Variants in CCDC33 observed in about 807,000 individuals in gnomAD.
The protein encoded by CCDC33 is coiled-coil domain-containing protein 33.
CCDC33 carries 94 observed loss-of-function variants against 91.9 expected under a neutral mutation model. The ratio of observed to expected loss-of-function variants is 1.02; its 90% CI spans 0.87 to 1.21. CCDC33 has a LOEUF of 1.21. CCDC33 is among the 50% of genes most tolerant of loss of function. The pLI is 0.00. For missense variants in CCDC33, 940 were observed against 935.5 expected (o/e 1.00, Z -0.06); for synonymous variants, 396 against 374.5 (o/e 1.06, Z -0.66).
Position 74,268,966 on chromosome 15 carries a change from G to A in CCDC33, c.546+508G>A, listed in dbSNP as rs565019558. 3.9e-5 allele frequency among the ~76,000 whole-genome samples: 6 copies of A among 152,332 alleles called. No homozygotes were observed. In the South Asian group the frequency reaches 1.0e-3, roughly 26 times the overall value. On this transcript the variant is annotated intron_variant, in intron 5 of 18. Coordinates refer to ENST00000398814, the MANE Select transcript of CCDC33 (RefSeq NM_025055.5). ...GAGGTTTGACTGGTCTGGCGATTAG[G>A]TATTTAGTTTATTCATTCATTTATT...
intron 11 of CCDC33, among the ~76,000 whole-genome samples, chr15:74,310,645 A>G (rs936728): frequency 0.97 from 147,002 of 152,264 alleles, 71,171 homozygotes; most frequent in East Asian, 1. Context: ...GCCAGCAGCG[A>G]GAGTGCTGCC....
At position 74,218,859 on chromosome 15, in the gene CCDC33, C is replaced by T. The variant is rs778597166; in HGVS notation, c.673C>T (p.Gln225Ter). The stretch of plus-strand genomic sequence containing the variant: ...CCCAGAGCCCCAGCTCCCCATACTG[C>T]AGGTGGGTGCTTCCCTGGTCCCAGT... Residue 225 changes from glutamine to a stop codon, truncating the protein, a stop_gained and splice_region_variant, in exon 2 of 3, where the codon CAG becomes TAG. Coordinates refer to the CCDC33 transcript ENST00000635913. LOFTEE classifies it low-confidence loss of function (END_TRUNC). This position sits in a 1 kb window ranked among gnomAD's most constrained non-coding sequence, Gnocchi z 4.8. 1 of 1,226,650 alleles carries T rather than the reference C, an allele frequency of 8.2e-7. No homozygotes were observed. The highest frequency in any genetic ancestry group is 1.0e-6 in the Non-Finnish European group (1 of 958,548). The allele number at this position is 1,226,650 out of a possible 1,614,324, so 76.0% of individuals were successfully genotyped here.
At chr15:74,279,244 C>T (rs886648161) in intron 7 of CCDC33, among the ~76,000 whole-genome samples, 1 of 152,162 alleles carries the variant, frequency 6.6e-6, no homozygotes, top group African/African-American at 2.4e-5. Flanking sequence ...AGGAAGAAAT[C>T]AGGGCACTTG....
At chr15:74,311,274 C>T (rs1431847158) in intron 11 of CCDC33, among the ~76,000 whole-genome samples, 1 of 152,122 alleles carries the variant, frequency 6.6e-6, no homozygotes, top group African/African-American at 2.4e-5. Flanking sequence ...CAGGTGCCCC[C>T]AGCATCTCTC....
At chr15:74,334,820 C>T (rs2060528692) in intron 17 of CCDC33, among the ~76,000 whole-genome samples, 155 bp from the exon 18 acceptor site, 1 of 152,100 alleles carries the variant, frequency 6.6e-6, no homozygotes, top group Non-Finnish European at 1.5e-5. Context: ...TCACCCTCAC[C>T]CCGCCACCCC....
chr15:74,285,128 G>C (rs551238675), intron 10 of CCDC33, among the ~76,000 whole-genome samples: 2 of 152,360 alleles, frequency 1.3e-5, no homozygotes, highest in East Asian at 3.9e-4. Context: ...GTCACAGAGC[G>C]GAAATGCTTC....
At chr15:74,302,600 G>A (rs1370246530) in intron 11 of CCDC33, 2 of 152,306 alleles carry the variant, frequency 1.3e-5, no homozygotes, top group Non-Finnish European at 2.9e-5. Context: ...GGCTGGCATG[G>A]CCCTGGGGTG....
At chr15:74,207,945 T>C (rs2074299596) in intron 1 of CCDC33, 2 of 1,453,676 alleles carry the variant, frequency 1.4e-6, no homozygotes, top group South Asian at 1.4e-5. Context: ...CTCCACCTCC[T>C]GTCTCTCTAC....
upstream of CCDC33, chr15:74,217,190 TGCAGG>T: frequency 1.9e-6 from 2 of 1,074,998 alleles, no homozygotes; most frequent in Non-Finnish European, 2.4e-6. Flanking sequence ...GCACCCAGCC[TGCAGG>T]CTTTCAGACT....
intron 2 of CCDC33, among the ~76,000 whole-genome samples, chr15:74,258,754 A>G (rs912883204): frequency 1.3e-5 from 2 of 152,142 alleles, no homozygotes; most frequent in Non-Finnish European, 2.9e-5. Context: ...ATCAAATCCC[A>G]TGCTTTTCCG....
At chr15:74,206,229 G>C (rs1431011961) in intron 1 of CCDC33, among the ~76,000 whole-genome samples, 1 of 152,224 alleles carries the variant, frequency 6.6e-6, no homozygotes, top group East Asian at 1.9e-4. Context: ...CTGGCCCCCA[G>C]CTGCCCTGCC....
At chr15:74,206,804 T>G (rs559433446) in intron 1 of CCDC33, among the ~76,000 whole-genome samples, 2 of 151,928 alleles carry the variant, frequency 1.3e-5, no homozygotes, top group East Asian at 3.9e-4. Flanking sequence ...AAGGAGAGAG[T>G]AGCATAAGGG....
At chr15:74,275,012 T>C (rs1197352665) in intron 7 of CCDC33, among the ~76,000 whole-genome samples, 1 of 152,232 alleles carries the variant, frequency 6.6e-6, no homozygotes. Flanking sequence ...GAGCCATACC[T>C]GGAGGGGCAC....
upstream of CCDC33, among the ~76,000 whole-genome samples, chr15:74,232,096 T>C (rs2074992295): frequency 6.6e-6 from 1 of 152,166 alleles, no homozygotes; most frequent in African/African-American, 2.4e-5. Flanking sequence ...GGTCAACTCT[T>C]GGCATGAGAC....
At chr15:74,256,054 G>A (rs1163853344) in intron 2 of CCDC33, among the ~76,000 whole-genome samples, 1 of 152,226 alleles carries the variant, frequency 6.6e-6, no homozygotes, top group East Asian at 1.9e-4. Context: ...CTCCAGCAGC[G>A]ACAAGACAGG....
intron 1 of CCDC33, chr15:74,209,273 A>C: frequency 7.9e-7 from 1 of 1,259,628 alleles, no homozygotes; most frequent in Non-Finnish European, 1.1e-6. Context: ...CCTCAGAGTC[A>C]CCTCAGTGGA....
upstream of CCDC33, among the ~76,000 whole-genome samples, chr15:74,231,552 G>A (rs2074971713): frequency 6.6e-6 from 1 of 152,208 alleles, no homozygotes; most frequent in African/African-American, 2.4e-5. Context: ...GAGAGGAAAG[G>A]AGAGCTGCGA....
chr15:74,324,003 G>T (rs1347071621), intron 11 of CCDC33, among the ~76,000 whole-genome samples: 10 of 147,562 alleles, frequency 6.8e-5, no homozygotes, highest in African/African-American at 2.5e-4. Flanking sequence ...TGAGGCAGGA[G>T]AATTGCCTGA....
Position 74,317,873 on chromosome 15 carries a change from G to A in CCDC33, c.1291-12316G>A, listed in dbSNP as rs8037540. Reference sequence around the variant, plus strand: ...AGGGCCGTTTCTAGGTGGCGGGCTGGCTTGTTTGGGTTTGTTTTTTTTTTT... The same window carrying A: ...AGGGCCGTTTCTAGGTGGCGGGCTGACTTGTTTGGGTTTGTTTTTTTTTTT... On this transcript the variant is annotated intron_variant, in intron 11 of 18. Coordinates refer to ENST00000398814, the MANE Select transcript of CCDC33 (RefSeq NM_025055.5). Among the ~76,000 whole-genome samples, 908 of 143,046 alleles carry A rather than the reference G, an allele frequency of 6.3e-3. 10 individuals are homozygous for A. Among genetic ancestry groups the A allele is most frequent in the African/African-American group, 0.022 (876 of 39,084 alleles). 93.8% of individuals were successfully genotyped at this position (143,046 alleles called of 152,430 possible). A position where few individuals can be genotyped will look rare whatever the true frequency, so the allele number is the denominator to read the frequency against.
Sources: gnomAD v4.1 joint callset for allele counts (sites outside exome capture counted in the v4.1 genomes callset) on GRCh38, gnomAD v4.1.1 for gene constraint, Gnocchi (gnomAD v3.1) non-coding constraint, MANE v1.5 for transcripts, NCBI Gene and HGNC (gene_info 2026-07-23, HGNC 2026-07-21) for gene names.